Variants in ADGRG3 observed in about 807,000 individuals in gnomAD.
ADGRG3 encodes G protein-coupled receptor 97.
A neutral mutation model predicts 54.3 loss-of-function variants in ADGRG3; 39 were observed. That is an observed-to-expected ratio of 0.72 (90% CI 0.56 to 0.94). ADGRG3 has a LOEUF of 0.94. Among genes scored for constraint, ADGRG3 ranks in the 40% least tolerant of loss-of-function variants. ADGRG3 has a pLI of 0.00. For missense variants in ADGRG3, 654 were observed against 694.6 expected (o/e 0.94, Z 0.66); for synonymous variants, 312 against 290.0 (o/e 1.08, Z -0.77).
At chr16:57,685,954 G>A in intron 11 of ADGRG3, 28 bp downstream of exon 11, 1 of 1,608,298 alleles carries the variant, frequency 6.2e-7, no homozygotes, top group Non-Finnish European at 8.5e-7. Context: ...GGGAGGTGAT[G>A]GGCTGTGTTG....
intron 6 of ADGRG3, 73 bp downstream of exon 6, chr16:57,679,928 G>A: frequency 8.2e-7 from 1 of 1,217,256 alleles, no homozygotes; most frequent in Non-Finnish European, 1.2e-6. Context: ...GGCGGGGCTA[G>A]CTCCACTGGC....
At chr16:57,682,912 C>A (rs2006660) in intron 8 of ADGRG3, among the ~76,000 whole-genome samples, 52,125 of 151,948 alleles carry the variant, frequency 0.34, 12,098 homozygotes, top group African/African-American at 0.64. Flanking sequence ...CAATGGATCC[C>A]TGGTCCCACC....
At chr16:57,666,654 G>T (rs1261496558), upstream of ADGRG3, among the ~76,000 whole-genome samples, 2 of 152,158 alleles carry the variant, frequency 1.3e-5, no homozygotes, top group Admixed American at 6.5e-5. Context: ...GTTGGGGGGG[G>T]TCTCAGGGTT....
At chr16:57,685,504 C>T in intron 10 of ADGRG3, 139 bp from the exon 11 acceptor site, 1 of 791,504 alleles carries the variant, frequency 1.3e-6, no homozygotes. Context: ...CGGCCCCTCC[C>T]ACAGCGGGAG....
rs572689582 is a variant in ADGRG3, at chr16:57,685,125, T to C, written c.1257-518T>C. 2.0e-5 allele frequency among the ~76,000 whole-genome samples: 3 copies of C among 152,296 alleles called. No individual in the cohort carries two copies. The East Asian group carries it at 5.8e-4, about 29-fold the overall frequency. ...TTGGGATCCATGGGGCACCCACCAC[T>C]GGGCCCATGGCTCTGTGCTAAGAGG... On this transcript the variant is annotated intron_variant, in intron 10 of 11. Coordinates refer to ENST00000333493, the MANE Select transcript of ADGRG3 (RefSeq NM_170776.5).
rs2048299516 is a variant in ADGRG3, at chr16:57,678,283, CATTCTGG to C, written c.461_467del (p.Ile154ThrfsTer22). The C allele has an allele frequency of 1.2e-6, 2 of 1,614,084 alleles. No individual in the cohort carries two copies. The highest frequency in any genetic ancestry group is 2.7e-5 in the African/African-American group (2 of 74,932). On this transcript the variant is annotated frameshift_variant, in exon 4 of 12. Transcript: ENST00000333493. LOFTEE classifies it high-confidence loss of function. ...GGTCTGTGGTCCGCTTGGCCGTCAC[CATTCTGG>C]ACATTGGTCCAGGGACTCTCTTCAA...
upstream of ADGRG3, among the ~76,000 whole-genome samples, chr16:57,666,084 C>T (rs1042621446): frequency 2.6e-5 from 4 of 152,110 alleles, no homozygotes; most frequent in South Asian, 4.1e-4. Context: ...CCCCAGTGTC[C>T]GGATTGGGCA....
chr16:57,670,572 C>T (rs1159573878), intron 1 of ADGRG3, among the ~76,000 whole-genome samples: 1 of 152,112 alleles, frequency 6.6e-6, no homozygotes, highest in East Asian at 1.9e-4. Flanking sequence ...CCTCCTCTCC[C>T]TCTTCTCCCC....
At position 57,685,866 on chromosome 16, in the gene ADGRG3, A is replaced by G. The variant is rs2148715315; in HGVS notation, c.1480A>G (p.Ile494Val). ...SLVGVTWGLA[I>V]FTPLGLSTVY... Reference sequence around the variant, plus strand: ...GGTGGGTGTGACATGGGGGTTGGCCATCTTCACCCCGTTGGGCCTCTCCAC... The same window carrying G: ...GGTGGGTGTGACATGGGGGTTGGCCGTCTTCACCCCGTTGGGCCTCTCCAC... Residue 494 changes from isoleucine to valine, a missense_variant, in exon 11 of 12, where the codon ATC (isoleucine) becomes GTC (valine). Coordinates refer to ENST00000333493, the MANE Select transcript of ADGRG3 (RefSeq NM_170776.5). The G allele has an allele frequency of 6.2e-7, 1 of 1,614,110 alleles. No homozygotes were observed. The highest frequency in any genetic ancestry group is 8.5e-7 in the Non-Finnish European group (1 of 1,180,018).
chr16:57,678,005 G>A (rs1281401469), intron 3 of ADGRG3, among the ~76,000 whole-genome samples, 165 bp from the exon 4 acceptor site: 2 of 152,226 alleles, frequency 1.3e-5, no homozygotes, highest in Non-Finnish European at 2.9e-5. Context: ...CAGCCTGTGA[G>A]GAGCAGAGCT....
chr16:57,677,704 G>A (rs2048288656), intron 3 of ADGRG3, among the ~76,000 whole-genome samples: 1 of 152,224 alleles, frequency 6.6e-6, no homozygotes, highest in Non-Finnish European at 1.5e-5. Context: ...GAGTAAACGT[G>A]TGTGTCCTCC....
In ADGRG3 at chr16:57,675,749, A is replaced by C. The variant is rs575227909; in HGVS notation, c.207-451A>C. 1.7e-3 allele frequency among the ~76,000 whole-genome samples: 257 copies of C among 152,268 alleles called. 1 individual carries two copies. Among genetic ancestry groups the C allele is most frequent in the Non-Finnish European group, 2.7e-3 (183 of 68,024 alleles). ...CATGTTGTATGATTCCATTTGTGTGAGCTATCTGGAACAGGCAAACTCAGA... is the reference window on the plus strand; with the variant it reads ...CATGTTGTATGATTCCATTTGTGTGCGCTATCTGGAACAGGCAAACTCAGA... On this transcript the variant is annotated intron_variant, in intron 2 of 11. Coordinates refer to ENST00000333493, the MANE Select transcript of ADGRG3 (RefSeq NM_170776.5).
chr16:57,683,047 C>T (rs973564238), intron 8 of ADGRG3, among the ~76,000 whole-genome samples: 2 of 152,206 alleles, frequency 1.3e-5, no homozygotes, highest in Middle Eastern at 3.2e-3. Flanking sequence ...ATGGCCTCCC[C>T]AGAAGGAAAC....
chr16:57,686,019 ACT>A, intron 11 of ADGRG3, 93 bp downstream of exon 11: 1 of 1,285,782 alleles, frequency 7.8e-7, no homozygotes, highest in Non-Finnish European at 1.1e-6. Flanking sequence ...AAGACACAGG[ACT>A]CTGTTCAGGC....
Position 57,673,483 on chromosome 16 carries a change from T to G in ADGRG3, c.206+15T>G. The G allele has an allele frequency of 1.9e-6, 3 of 1,589,612 alleles. No individual in the cohort carries two copies. The highest frequency in any genetic ancestry group is 2.6e-6 in the Non-Finnish European group (3 of 1,160,426). On this transcript the variant is annotated intron_variant, in intron 2 of 11. Transcript: ENST00000333493. ...AACTTGCAGAGGTGAGGGGGCCCCC[T>G]GAGCTGGAGGGGGAATCTGAAGCTG...
chr16:57,680,096 C>T (rs1455325597), intron 6 of ADGRG3, among the ~76,000 whole-genome samples, 169 bp from the exon 7 acceptor site: 1 of 99,556 alleles, frequency 1.0e-5, no homozygotes, highest in East Asian at 3.5e-4. Flanking sequence ...CCTCCCCTCC[C>T]CTCTCCTCTC....
intron 1 of ADGRG3, among the ~76,000 whole-genome samples, chr16:57,669,851 AG>A (rs1355190781): frequency 6.6e-6 from 1 of 152,122 alleles, no homozygotes; most frequent in Non-Finnish European, 1.5e-5. Flanking sequence ...GGGCTGAGCA[AG>A]GGGTGGATGC....
chr16:57,680,915 T>C (rs1365979357), intron 8 of ADGRG3, among the ~76,000 whole-genome samples: 1 of 152,188 alleles, frequency 6.6e-6, no homozygotes, highest in Non-Finnish European at 1.5e-5. Flanking sequence ...CATGGACTTC[T>C]GGCAGGGTTC....
chr16:57,681,636 G>C (rs1359417570), intron 8 of ADGRG3, among the ~76,000 whole-genome samples: 1 of 145,888 alleles, frequency 6.9e-6, no homozygotes, highest in East Asian at 2.1e-4. Context: ...TGAGGCAGGA[G>C]AATCGCTTGA....
Sources: allele counts gnomAD v4.1 joint callset (sites outside exome capture counted in the v4.1 genomes callset), GRCh38; gene constraint gnomAD v4.1.1; transcripts MANE v1.5; gene names NCBI Gene and HGNC (gene_info 2026-07-23, HGNC 2026-07-21).